The following TWIST2 variants were observed in gnomAD, a reference collection of about 807,000 sequenced individuals.
The protein encoded by TWIST2 is twist family bHLH transcription factor 2.
In TWIST2, 1 loss-of-function variant was observed where a neutral mutation model predicts 11.6. The observed-to-expected ratio is 0.09, with a 90% CI of 0.03 to 0.41. The LOEUF is 0.41. TWIST2 is among the 10% of genes least tolerant of loss of function. The pLI is 0.98. For missense variants in TWIST2, 168 were observed against 226.4 expected (o/e 0.74, Z 1.66); for synonymous variants, 87 against 96.6 (o/e 0.90, Z 0.58).
chr2:238,895,724 C>T (rs1372137465), intron 1 of TWIST2, among the ~76,000 whole-genome samples: 3 of 152,146 alleles, frequency 2.0e-5, no homozygotes, highest in African/African-American at 4.8e-5. Context: ...TCAGACTCTG[C>T]GGCCTCAGCC....
rs76774226 is a variant in TWIST2, at chr2:238,882,241, C to T, written c.*36-27601C>T. 8.2e-3 allele frequency among the ~76,000 whole-genome samples: 1,253 copies of T among 152,308 alleles called. 4 individuals are homozygous for T. The highest frequency in any genetic ancestry group is 0.012 in the Non-Finnish European group (811 of 68,036). On this transcript the variant is annotated intron_variant, in intron 1 of 1. Transcript: ENST00000612363. Reference sequence around the variant, plus strand: ...CAGCAGCAGCCCAGGTCTCCTGAGCCTGAGGGTCTGCTGTCTGCACAGTGC... The same window carrying T: ...CAGCAGCAGCCCAGGTCTCCTGAGCTTGAGGGTCTGCTGTCTGCACAGTGC...
chr2:238,886,189 C>G (rs1693032916), intron 1 of TWIST2, among the ~76,000 whole-genome samples: 1 of 151,994 alleles, frequency 6.6e-6, no homozygotes, highest in Non-Finnish European at 1.5e-5. Context: ...AGAACAGCTC[C>G]CACGATGACT....
intron 1 of TWIST2, among the ~76,000 whole-genome samples, chr2:238,887,801 T>G (rs1693068378): frequency 6.6e-6 from 1 of 152,244 alleles, no homozygotes; most frequent in Admixed American, 6.5e-5. Flanking sequence ...CGTGACTGCG[T>G]GGAGCAGAGT....
chr2:238,890,095 A>C (rs1387263111), intron 1 of TWIST2, among the ~76,000 whole-genome samples: 1 of 152,202 alleles, frequency 6.6e-6, no homozygotes, highest in African/African-American at 2.4e-5. Flanking sequence ...TCTTAAAGAC[A>C]TCCCTGGAGA....
rs577297512 is a variant in TWIST2 at position 238,864,223 on chromosome 2, C to T, written c.*35+15490C>T. Among the ~76,000 whole-genome samples the T allele has an allele frequency of 2.6e-5, 4 of 152,262 alleles. No homozygotes were observed. The highest frequency in any genetic ancestry group is 4.2e-4 in the South Asian group (2 of 4,816). On this transcript the variant is annotated intron_variant, in intron 1 of 1. Transcript: ENST00000612363. This position sits in a 1 kb window ranked among gnomAD's most constrained non-coding sequence, Gnocchi z 4.7. ...TGAGGGGGGACCTCTCGGGCTGTGCCGTGGTATCCTCTCTTCTCCACATTA... is the reference window on the plus strand; with the variant it reads ...TGAGGGGGGACCTCTCGGGCTGTGCTGTGGTATCCTCTCTTCTCCACATTA...
At position 238,848,718 on chromosome 2, in the gene TWIST2, G is replaced by A. The variant is rs1574742576; in HGVS notation, c.*20G>A. On this transcript the variant is annotated 3_prime_UTR_variant, in exon 1 of 2. Coordinates refer to ENST00000612363, the MANE Select transcript of TWIST2 (RefSeq NM_001271893.4). Reference sequence around the variant, plus strand: ...CACTAGCGCCGCGCCACCCACCTCCGGACCGGCGCGCCAGGGTAGGTGCTG... The same window carrying A: ...CACTAGCGCCGCGCCACCCACCTCCAGACCGGCGCGCCAGGGTAGGTGCTG... 1 of 1,480,196 alleles carries A rather than the reference G, an allele frequency of 6.8e-7. No individual in the cohort carries two copies. The highest frequency in any genetic ancestry group is 2.6e-5 in the East Asian group (1 of 38,952). The allele number at this position is 1,480,196 out of a possible 1,614,324, so 91.7% of individuals were successfully genotyped here.
intron 1 of TWIST2, among the ~76,000 whole-genome samples, chr2:238,893,966 T>C (rs1481122606): frequency 6.6e-6 from 1 of 152,020 alleles, no homozygotes; most frequent in Non-Finnish European, 1.5e-5. Context: ...GCCTTGCCTC[T>C]CCTACCACGT....
At chr2:238,850,904 A>G (rs954988396) in intron 1 of TWIST2, among the ~76,000 whole-genome samples, 2 of 152,234 alleles carry the variant, frequency 1.3e-5, no homozygotes, top group African/African-American at 4.8e-5. Context: ...TTATCCATGA[A>G]TGATTCTGGA....
At chr2:238,848,980 G>C (rs576896718) in intron 1 of TWIST2, among the ~76,000 whole-genome samples, 63 of 152,256 alleles carry the variant, frequency 4.1e-4, no homozygotes, top group African/African-American at 1.4e-3. Flanking sequence ...TGACTCCCCC[G>C]GCGGGTTCTG....
intron 1 of TWIST2, among the ~76,000 whole-genome samples, chr2:238,905,119 C>G (rs1019381468): frequency 1.5e-4 from 23 of 152,220 alleles, no homozygotes; most frequent in African/African-American, 4.6e-4. Flanking sequence ...TTTCCCTTGG[C>G]CCACCCTGCC....
intron 1 of TWIST2, among the ~76,000 whole-genome samples, chr2:238,880,166 T>C (rs1692884120): frequency 1.3e-5 from 2 of 152,158 alleles, no homozygotes; most frequent in African/African-American, 2.4e-5. Context: ...TTTATTGGTA[T>C]TGGTGTTAGT....
chr2:238,856,500 T>C (rs1559267566), intron 1 of TWIST2, among the ~76,000 whole-genome samples: 1 of 152,210 alleles, frequency 6.6e-6, no homozygotes, highest in East Asian at 1.9e-4. Context: ...CTGTGTACAT[T>C]AGTCTATCAT....
chr2:238,880,089 ATTAGTG>A (rs1692881561), intron 1 of TWIST2, among the ~76,000 whole-genome samples: 1 of 152,088 alleles, frequency 6.6e-6, no homozygotes. Context: ...TAGTTTTGAT[ATTAGTG>A]TTAGTATTTA....
At chr2:238,880,162 G>A (rs1692883974) in intron 1 of TWIST2, among the ~76,000 whole-genome samples, 1 of 152,062 alleles carries the variant, frequency 6.6e-6, no homozygotes, top group African/African-American at 2.4e-5. Flanking sequence ...AGTATTTATT[G>A]GTATTGGTGT....
Position 238,867,414 on chromosome 2 carries a change from C to CACACACACACACACACACA in TWIST2, c.*35+18681_*35+18682insACACACACACACACACACA, listed in dbSNP as rs1255819451. On this transcript the variant is annotated intron_variant, in intron 1 of 1. Coordinates refer to ENST00000612363, the MANE Select transcript of TWIST2 (RefSeq NM_001271893.4). This position sits in a 1 kb window ranked among gnomAD's most constrained non-coding sequence, Gnocchi z 4.8. ...ACACACACACACACACACACACACT[C>CACACACACACACACACACA]CTCAGTAAAATACCCAGTTCTCACC... 6.8e-6 allele frequency among the ~76,000 whole-genome samples: 1 copy of CACACACACACACACACACA among 147,438 alleles called. No individual in the cohort carries two copies. Among genetic ancestry groups the CACACACACACACACACACA allele is most frequent in the Non-Finnish European group, 1.5e-5 (1 of 65,976 alleles).
chr2:238,870,524 A>C (rs1692654394), intron 1 of TWIST2, among the ~76,000 whole-genome samples: 8 of 97,772 alleles, frequency 8.2e-5, no homozygotes, highest in African/African-American at 1.6e-4. Context: ...CCACACACAA[A>C]CCACACACCC....
chr2:238,878,636 T>A (rs189877435), intron 1 of TWIST2, among the ~76,000 whole-genome samples: 79 of 152,334 alleles, frequency 5.2e-4, no homozygotes, highest in African/African-American at 1.8e-3. Context: ...GAAGTTGTGC[T>A]CCTCATGTTA....
chr2:238,857,978 T>A (rs149346792), intron 1 of TWIST2, among the ~76,000 whole-genome samples: 1 of 151,918 alleles, frequency 6.6e-6, no homozygotes, highest in African/African-American at 2.4e-5. Flanking sequence ...CACCATTACA[T>A]TGGGCAGATG....
rs996917612 is a variant in TWIST2 at position 238,902,491 on chromosome 2, G to T, written c.*36-7351G>T. On this transcript the variant is annotated intron_variant, in intron 1 of 1. Transcript: ENST00000612363. The stretch of plus-strand genomic sequence containing the variant: ...GTGGTGTGAGGTGTGTGTGTGATGT[G>T]GAGTGTGAGTGATGTAGGTGTGGAT... Among the ~76,000 whole-genome samples, 308 of 151,218 alleles carry T rather than the reference G, an allele frequency of 2.0e-3. 1 individual carries two copies. The highest frequency in any genetic ancestry group is 6.9e-3 in the African/African-American group (285 of 41,162).
Sources: allele counts gnomAD v4.1 joint callset (sites outside exome capture counted in the v4.1 genomes callset), GRCh38; gene constraint gnomAD v4.1.1; non-coding constraint Gnocchi (gnomAD v3.1); transcripts MANE v1.5; gene names NCBI Gene and HGNC (gene_info 2026-07-23, HGNC 2026-07-21).